NHS: variants seen among roughly 807,000 people sequenced by gnomAD.
NHS encodes the protein NHS actin remodeling regulator, also known as actin remodeling regulator NHS.
In NHS, 5 loss-of-function variants were observed where a neutral mutation model predicts 72.5. The ratio of observed to expected loss-of-function variants is 0.07; its 90% CI spans 0.04 to 0.14. The LOEUF (loss-of-function observed/expected upper bound fraction) is 0.14, where lower values mean the gene tolerates loss of function less well. Among genes scored for constraint, NHS ranks in the 10% least tolerant of loss-of-function variants. The pLI, the probability that NHS is intolerant of heterozygous loss-of-function variation, is 1.00. For synonymous variants in NHS, 464 were observed against 547.7 expected (o/e 0.85, Z 2.13); for missense variants, 1,072 against 1,355.7 (o/e 0.79, Z 3.29).
chrX:17,689,076 C>G (rs1459677725), intron 2 of NHS, among the ~76,000 whole-genome samples: 1 of 112,382 alleles, frequency 8.9e-6, no homozygotes, highest in Non-Finnish European at 1.9e-5. Flanking sequence ...ATGTCATTAT[C>G]AAAGTGGAGA....
At chrX:17,673,051 A>G (rs1281548302) in intron 1 of NHS, among the ~76,000 whole-genome samples, 2 of 110,765 alleles carry the variant, frequency 1.8e-5, no homozygotes, top group African/African-American at 6.6e-5. Context: ...TTAAAAGGAG[A>G]CAAAAAGGAC....
At chrX:17,542,136 G>C (rs1028472060) in intron 1 of NHS, among the ~76,000 whole-genome samples, 1 of 112,689 alleles carries the variant, frequency 8.9e-6, no homozygotes, top group Non-Finnish European at 1.9e-5. Flanking sequence ...CTGATTGCTT[G>C]ACATCCATTA....
At chrX:17,543,558 G>A (rs748378148) in intron 1 of NHS, among the ~76,000 whole-genome samples, 2 of 112,285 alleles carry the variant, frequency 1.8e-5, no homozygotes, top group South Asian at 7.4e-4. Flanking sequence ...GAAAACATGC[G>A]CATTGTCTGC....
At chrX:17,647,980 CT>C (rs5901622) in intron 1 of NHS, among the ~76,000 whole-genome samples, 26,130 of 104,465 alleles carry the variant, frequency 0.25, 6,033 homozygotes, top group African/African-American at 0.71. Flanking sequence ...AAGGATTTAC[CT>C]TTTTTTTTTT....
intron 3 of NHS, among the ~76,000 whole-genome samples, chrX:17,712,749 C>T (rs146486382): frequency 1.5e-4 from 17 of 109,892 alleles, no homozygotes; most frequent in Middle Eastern, 4.7e-3. Context: ...AACCTTGAAG[C>T]TGGCTGAAAG....
At chrX:17,675,446 C>A (rs1483005836) in intron 1 of NHS, among the ~76,000 whole-genome samples, 1 of 112,063 alleles carries the variant, frequency 8.9e-6, no homozygotes, top group African/African-American at 3.2e-5. Flanking sequence ...ATTTTCTAGT[C>A]CTGTCTACTG....
chrX:17,635,101 G>T (rs913242906), intron 1 of NHS, among the ~76,000 whole-genome samples: 2 of 111,662 alleles, frequency 1.8e-5, no homozygotes, highest in Non-Finnish European at 3.8e-5. Flanking sequence ...TCTTAAACTG[G>T]TGTGGCCCGA....
intron 5 of NHS, among the ~76,000 whole-genome samples, chrX:17,723,770 T>TGTGTGTGCGTGTGCGC (rs541219770): frequency 6.9e-4 from 63 of 91,319 alleles, no homozygotes; most frequent in African/African-American, 3.0e-3. Flanking sequence ...TGTGTGTGTG[T>TGTGTGTGCGTGTGCGC]GCGCGCGCGT....
At chrX:17,461,685 A>G (rs2064848155) in intron 1 of NHS, among the ~76,000 whole-genome samples, 1 of 112,881 alleles carries the variant, frequency 8.9e-6, no homozygotes, top group African/African-American at 3.2e-5. Context: ...GCATAAAACA[A>G]CAACCATTTA....
intron 1 of NHS, among the ~76,000 whole-genome samples, chrX:17,556,467 GA>G (rs1328427503): frequency 3.9e-5 from 4 of 103,809 alleles, no homozygotes; most frequent in African/African-American, 1.7e-4. Flanking sequence ...TCACAAAGAT[GA>G]TTAAAGAAAC....
chrX:17,589,480 C>T (rs770500147), intron 1 of NHS, among the ~76,000 whole-genome samples: 2 of 112,191 alleles, frequency 1.8e-5, no homozygotes, highest in African/African-American at 3.2e-5. Context: ...CAGGTAGCTG[C>T]GAATGCCATC....
intron 1 of NHS, among the ~76,000 whole-genome samples, chrX:17,671,239 T>C (rs1370095961): frequency 8.9e-6 from 1 of 111,910 alleles, no homozygotes; most frequent in African/African-American, 3.3e-5. Flanking sequence ...AGAGCTAATT[T>C]GAAGGTTGAG....
intron 1 of NHS, among the ~76,000 whole-genome samples, chrX:17,574,069 G>A (rs372785625): frequency 1.1e-4 from 12 of 111,273 alleles, no homozygotes; most frequent in Admixed American, 2.9e-4. Context: ...TTCCAGAGGG[G>A]CACCTGCCTA....
At chrX:17,632,373 TA>T (rs775026201) in intron 1 of NHS, among the ~76,000 whole-genome samples, 2 of 110,261 alleles carry the variant, frequency 1.8e-5, no homozygotes, top group South Asian at 3.9e-4. Context: ...TCCGATTTTG[TA>T]AAACAGTTTT....
intron 3 of NHS, among the ~76,000 whole-genome samples, chrX:17,708,717 A>G (rs1385396334): frequency 1.8e-5 from 2 of 111,311 alleles, no homozygotes; most frequent in African/African-American, 6.5e-5. Context: ...GAAAAGGATT[A>G]TAGACTGAGG....
intron 7 of NHS, 78 bp downstream of exon 7, chrX:17,728,406 A>G: frequency 1.0e-6 from 1 of 957,665 alleles, no homozygotes; most frequent in South Asian, 2.0e-5. Flanking sequence ...GTTCCCAATA[A>G]TACGGTACAG....
intron 1 of NHS, among the ~76,000 whole-genome samples, chrX:17,414,781 C>T (rs997256155): frequency 6.3e-5 from 7 of 111,570 alleles, no homozygotes; most frequent in Admixed American, 4.7e-4. Flanking sequence ...ACTCTGAAAA[C>T]GATGAATTAG....
chrX:17,522,984 G>A (rs1242311694), intron 1 of NHS, among the ~76,000 whole-genome samples: 1 of 111,102 alleles, frequency 9.0e-6, no homozygotes, highest in Non-Finnish European at 1.9e-5. Context: ...GTCAGAGGTC[G>A]TCTCTGAGGT....
intron 1 of NHS, among the ~76,000 whole-genome samples, chrX:17,567,997 A>G: frequency 9.0e-6 from 1 of 110,945 alleles, no homozygotes; most frequent in Admixed American, 9.6e-5. Context: ...CCCCTCCCCC[A>G]CCACCCAGTC....
Sources: gnomAD v4.1 joint callset for allele counts (sites outside exome capture counted in the v4.1 genomes callset) on GRCh38, gnomAD v4.1.1 for gene constraint, MANE v1.5 for transcripts, NCBI Gene and HGNC (gene_info 2026-07-23, HGNC 2026-07-21) for gene names.